PDE1C: variants seen among roughly 807,000 people sequenced by gnomAD.
The protein encoded by PDE1C is dual specificity calcium/calmodulin-dependent 3',5'-cyclic nucleotide phosphodiesterase 1C.
In PDE1C, 62 loss-of-function variants were observed where a neutral mutation model predicts 93.1. The ratio of observed to expected loss-of-function variants is 0.67; its 90% confidence interval spans 0.54 to 0.82. The LOEUF is 0.82. Ranked by LOEUF, PDE1C falls within the 40% of genes least tolerant of loss-of-function variation. The pLI is 0.00. For missense variants in PDE1C, 742 were observed against 884.6 expected (o/e 0.84, Z 2.04); for synonymous variants, 325 against 310.1 (o/e 1.05, Z -0.50).
Position 31,884,438 on chromosome 7 carries a change from T to A in PDE1C, c.129-3578A>T, listed in dbSNP as rs928753166. The stretch of plus-strand genomic sequence containing the variant: ...AAGTTTCTTTAAAAAGAAAAAAACA[T>A]GACAATAGAAAGACTACAAGAACTT... On this transcript the variant is annotated intron_variant, in intron 2 of 17. Coordinates refer to ENST00000396191, the MANE Select transcript of PDE1C (RefSeq NM_001191057.4). Among the ~76,000 whole-genome samples, 8 of 152,204 alleles carry A rather than the reference T, an allele frequency of 5.3e-5. No individual in the cohort carries two copies. In the East Asian group the frequency reaches 1.5e-3, roughly 29 times the overall value.
At chr7:32,327,062 C>T (rs187710047) in intron 1 of PDE1C, among the ~76,000 whole-genome samples, 6 of 152,276 alleles carry the variant, frequency 3.9e-5, no homozygotes, top group Admixed American at 6.5e-5. Context: ...CTCTCTTGCT[C>T]ACAAGACACA....
chr7:31,724,562 C>T, the PDE1C span, among the ~76,000 whole-genome samples: 2 of 152,324 alleles, frequency 1.3e-5, no homozygotes, highest in African/African-American at 4.8e-5. Context: ...TTTCCCGATT[C>T]TTGCTCATTC....
At chr7:31,645,190 C>T in the PDE1C span, among the ~76,000 whole-genome samples, 4 of 151,962 alleles carry the variant, frequency 2.6e-5, no homozygotes, top group Admixed American at 6.6e-5. Flanking sequence ...AAGAAGTGTC[C>T]GACTTTAAAA....
intron 2 of PDE1C, among the ~76,000 whole-genome samples, chr7:31,886,455 G>T (rs1419656276): frequency 1.4e-4 from 21 of 152,182 alleles, no homozygotes. Context: ...TCAACATTGG[G>T]TGTCTTTTGT....
At chr7:31,736,554 T>TC in the PDE1C span, among the ~76,000 whole-genome samples, 2 of 152,144 alleles carry the variant, frequency 1.3e-5, no homozygotes, top group African/African-American at 4.8e-5. Context: ...GTGGCTTTTT[T>TC]CCCTACACAC....
At chr7:31,944,634 T>G (rs886874811) in intron 2 of PDE1C, among the ~76,000 whole-genome samples, 1 of 152,212 alleles carries the variant, frequency 6.6e-6, no homozygotes, top group African/African-American at 2.4e-5. Context: ...TGAAAGAATT[T>G]TAAAACACCA....
intron 2 of PDE1C, among the ~76,000 whole-genome samples, chr7:32,038,970 A>C (rs929023612): frequency 6.6e-6 from 1 of 152,202 alleles, no homozygotes; most frequent in Non-Finnish European, 1.5e-5. Flanking sequence ...GCAGGAAAGA[A>C]AAGCAGATGT....
chr7:31,688,401 T>A, the PDE1C span, among the ~76,000 whole-genome samples: 2 of 152,200 alleles, frequency 1.3e-5, no homozygotes, highest in Non-Finnish European at 2.9e-5. Context: ...TATTCTCACA[T>A]CCAACTGAGA....
chr7:32,324,460 G>A (rs1783363009), intron 1 of PDE1C, among the ~76,000 whole-genome samples: 1 of 152,202 alleles, frequency 6.6e-6, no homozygotes, highest in African/African-American at 2.4e-5. Context: ...TTCCCAGGGA[G>A]AATTCAATCA....
intron 1 of PDE1C, among the ~76,000 whole-genome samples, chr7:32,304,332 C>T (rs1436209467): frequency 2.0e-5 from 3 of 152,180 alleles, no homozygotes; most frequent in Non-Finnish European, 2.9e-5. Context: ...CTTCCATCCT[C>T]GGCCCTGGCA....
chr7:32,240,960 T>C (rs12701200), intron 1 of PDE1C, among the ~76,000 whole-genome samples: 15,984 of 152,110 alleles, frequency 0.11, 899 homozygotes, highest in East Asian at 0.13. Flanking sequence ...GTTGGATATG[T>C]AGTATGAGGA....
the PDE1C span, among the ~76,000 whole-genome samples, chr7:31,718,320 G>A: frequency 2.0e-5 from 3 of 152,062 alleles, no homozygotes; most frequent in African/African-American, 4.8e-5. Context: ...ATTGATGGGA[G>A]AGACAGAGAA....
At chr7:32,058,251 A>G (rs1334855890) in intron 1 of PDE1C, among the ~76,000 whole-genome samples, 2 of 152,198 alleles carry the variant, frequency 1.3e-5, no homozygotes, top group Non-Finnish European at 1.5e-5. Flanking sequence ...TCCAGAGACC[A>G]CTACCACCGC....
At chr7:31,973,898 A>G (rs915473694) in intron 2 of PDE1C, among the ~76,000 whole-genome samples, 1 of 152,198 alleles carries the variant, frequency 6.6e-6, no homozygotes, top group Non-Finnish European at 1.5e-5. Context: ...GTCCTTATAA[A>G]CTAGATAAAG....
chr7:32,164,790 T>C, intron 3 of PDE1C, among the ~76,000 whole-genome samples: 1 of 152,142 alleles, frequency 6.6e-6, no homozygotes, highest in East Asian at 1.9e-4. Context: ...GAGACAAACC[T>C]CTCTCAGCAG....
At chr7:32,406,821 T>G (rs1785061379) in intron 1 of PDE1C, among the ~76,000 whole-genome samples, 1 of 152,126 alleles carries the variant, frequency 6.6e-6, no homozygotes, top group South Asian at 2.1e-4. Context: ...TCTGACCAGC[T>G]GTATAGGCAG....
intron 2 of PDE1C, among the ~76,000 whole-genome samples, chr7:32,045,334 G>C (rs145682102): frequency 1.9e-3 from 284 of 152,164 alleles, no homozygotes; most frequent in Middle Eastern, 3.4e-3. Context: ...CCAGACCACT[G>C]TGGCTGCTAT....
At chr7:31,735,477 G>T in the PDE1C span, among the ~76,000 whole-genome samples, 1 of 151,484 alleles carries the variant, frequency 6.6e-6, no homozygotes, top group African/African-American at 2.4e-5. Context: ...TCCCAGGCCT[G>T]CTATTGCCTC....
At chr7:31,692,445 A>G in the PDE1C span, 4 of 1,607,950 alleles carry the variant, frequency 2.5e-6, no homozygotes, top group South Asian at 3.3e-5. Context: ...TCCTTTGATG[A>G]TGTCCACTGA....
Sources: gnomAD v4.1 joint callset for allele counts (sites outside exome capture counted in the v4.1 genomes callset) on GRCh38, gnomAD v4.1.1 for gene constraint, MANE v1.5 for transcripts, NCBI Gene and HGNC (gene_info 2026-07-23, HGNC 2026-07-21) for gene names.